The following DYNC1LI1 variants were observed in gnomAD, a reference collection of about 807,000 sequenced individuals.
The protein encoded by DYNC1LI1 is dynein cytoplasmic 1 light intermediate chain 1, also known as cytoplasmic dynein 1 light intermediate chain 1.
In DYNC1LI1, 19 loss-of-function variants were observed where a neutral mutation model predicts 63.8. That is an observed-to-expected ratio of 0.30 (90% CI 0.21 to 0.44). DYNC1LI1 has a LOEUF of 0.44. Among genes scored for constraint, DYNC1LI1 ranks in the 20% least tolerant of loss-of-function variants. DYNC1LI1 has a pLI of 1.00. For missense variants in DYNC1LI1, 565 were observed against 630.2 expected, an observed-to-expected ratio of 0.90 and a Z score of 1.11; for synonymous variants, 225 against 232.3, an observed-to-expected ratio of 0.97 and a Z score of 0.28.
intron 2 of DYNC1LI1, among the ~76,000 whole-genome samples, chr3:32,565,441 C>A (rs894595137): frequency 6.6e-6 from 1 of 152,124 alleles, no homozygotes; most frequent in African/African-American, 2.4e-5. Flanking sequence ...ACAATGAATT[C>A]AATTAATCTA....
intron 2 of DYNC1LI1, among the ~76,000 whole-genome samples, chr3:32,559,440 T>C (rs1320679104): frequency 6.6e-6 from 1 of 152,136 alleles, no homozygotes; most frequent in African/African-American, 2.4e-5. Context: ...GATTTCACCA[T>C]GCTGCCCAGG....
At chr3:32,527,260 G>C (rs1697633681) in intron 12 of DYNC1LI1, among the ~76,000 whole-genome samples, 1 of 152,058 alleles carries the variant, frequency 6.6e-6, no homozygotes, top group South Asian at 2.1e-4. Flanking sequence ...TCACACCACT[G>C]CACTCCAACC....
At chr3:32,548,646 TAGAC>T (rs2125439573) in intron 2 of DYNC1LI1, among the ~76,000 whole-genome samples, 1 of 152,228 alleles carries the variant, frequency 6.6e-6, no homozygotes, top group East Asian at 1.9e-4. Flanking sequence ...GAATTTCAGT[TAGAC>T]AGGAGGAATA....
chr3:32,570,523 G>A, intron 1 of DYNC1LI1, 102 bp downstream of exon 1: 3 of 1,483,778 alleles, frequency 2.0e-6, no homozygotes, highest in South Asian at 2.6e-5. Flanking sequence ...CGGGAACGCA[G>A]TGGCCGGGCC....
intron 2 of DYNC1LI1, among the ~76,000 whole-genome samples, chr3:32,567,163 G>T (rs116385364): frequency 6.6e-6 from 1 of 152,216 alleles, no homozygotes; most frequent in Non-Finnish European, 1.5e-5. Context: ...CTTCTATCAA[G>T]TTAGAAATCC....
intron 2 of DYNC1LI1, chr3:32,570,124 G>A (rs761841673): frequency 3.0e-6 from 2 of 657,070 alleles, no homozygotes; most frequent in South Asian, 3.2e-5. Context: ...CATATACCGG[G>A]GAGGAGGAGG....
chr3:32,541,318 A>T (rs1697879279), intron 4 of DYNC1LI1, 112 bp from the exon 5 acceptor site: 1 of 687,358 alleles, frequency 1.5e-6, no homozygotes. Flanking sequence ...CTTGTGTAAG[A>T]GAAGAAACAA....
intron 4 of DYNC1LI1, among the ~76,000 whole-genome samples, chr3:32,543,398 C>CT (rs968681360): frequency 0.041 from 5,163 of 127,454 alleles, 315 homozygotes; most frequent in African/African-American, 0.11. Context: ...TATTTCCTTT[C>CT]TTTTTTTTTT....
intron 2 of DYNC1LI1, among the ~76,000 whole-genome samples, chr3:32,553,179 A>G (rs928846660): frequency 1.2e-4 from 19 of 152,122 alleles, no homozygotes; most frequent in Admixed American, 2.0e-4. Context: ...ACAAAAAAAT[A>G]GAAAAATTGG....
chr3:32,540,992 T>C (rs745638517), intron 5 of DYNC1LI1, 45 bp downstream of exon 5: 1 of 1,456,554 alleles, frequency 6.9e-7, no homozygotes, highest in Non-Finnish European at 9.2e-7. Context: ...CAGTTGTTCA[T>C]CCTCAGTGAA....
chr3:32,529,179 C>T (rs1697662406), intron 11 of DYNC1LI1, among the ~76,000 whole-genome samples: 1 of 152,142 alleles, frequency 6.6e-6, no homozygotes. Context: ...AACATAAACT[C>T]TTTGACCTAC....
chr3:32,560,181 T>G (rs1221455266), intron 2 of DYNC1LI1, among the ~76,000 whole-genome samples: 1 of 152,126 alleles, frequency 6.6e-6, no homozygotes, highest in Non-Finnish European at 1.5e-5. Context: ...ACAGCTGTAA[T>G]CCCAAAACTT....
At chr3:32,530,164 A>C (rs1036658506) in intron 10 of DYNC1LI1, 120 bp downstream of exon 10, 2 of 827,334 alleles carry the variant, frequency 2.4e-6, no homozygotes, top group African/African-American at 3.5e-5. Context: ...TTACAGAAGA[A>C]TTCTGAATTC....
intron 12 of DYNC1LI1, among the ~76,000 whole-genome samples, chr3:32,527,859 G>A (rs1026913553): frequency 7.2e-5 from 11 of 152,026 alleles, no homozygotes; most frequent in African/African-American, 2.7e-4. Context: ...GGTGGCTCAT[G>A]TCTGTAATCC....
At chr3:32,547,633 A>G (rs1697973911) in intron 2 of DYNC1LI1, among the ~76,000 whole-genome samples, 1 of 152,200 alleles carries the variant, frequency 6.6e-6, no homozygotes, top group Non-Finnish European at 1.5e-5. Flanking sequence ...GCCAAATTCA[A>G]AGTATCCCAG....
intron 6 of DYNC1LI1, among the ~76,000 whole-genome samples, chr3:32,535,406 G>A (rs1011455155): frequency 6.6e-6 from 1 of 152,194 alleles, no homozygotes; most frequent in African/African-American, 2.4e-5. Context: ...ACTGGCCCTT[G>A]TTTCTCCAAG....
intron 2 of DYNC1LI1, among the ~76,000 whole-genome samples, chr3:32,557,721 G>A (rs1422628249): frequency 6.6e-6 from 1 of 152,042 alleles, no homozygotes; most frequent in Non-Finnish European, 1.5e-5. Context: ...CCTTTAAAGT[G>A]GCCAATACAG....
intron 3 of DYNC1LI1, 98 bp downstream of exon 3, chr3:32,545,751 T>C: frequency 2.5e-6 from 2 of 814,402 alleles, no homozygotes; most frequent in East Asian, 2.4e-5. Flanking sequence ...ACAGAACTTC[T>C]AGTAAAAAAT....
At chr3:32,535,814 A>G (rs1697766893) in intron 6 of DYNC1LI1, among the ~76,000 whole-genome samples, 1 of 152,190 alleles carries the variant, frequency 6.6e-6, no homozygotes, top group Non-Finnish European at 1.5e-5. Context: ...TTTAAAATCA[A>G]CTGGCTCTAA....
Sources: gnomAD v4.1 joint callset for allele counts (sites outside exome capture counted in the v4.1 genomes callset) on GRCh38, gnomAD v4.1.1 for gene constraint, MANE v1.5 for transcripts, NCBI Gene and HGNC (gene_info 2026-07-23, HGNC 2026-07-21) for gene names.